Variants in CSMD3 observed in about 807,000 individuals in gnomAD.
CSMD3 encodes the protein CUB and Sushi multiple domains 3.
CSMD3 carries 177 observed loss-of-function variants against 435.2 expected under a neutral mutation model. The observed-to-expected ratio is 0.41, with a 90% CI of 0.36 to 0.46. CSMD3 has a LOEUF of 0.46. Among genes scored for constraint, CSMD3 ranks in the 20% least tolerant of loss-of-function variants. The pLI is 0.34. For missense variants in CSMD3, 4,265 were observed against 4,504.6 expected (o/e 0.95, Z 1.52); for synonymous variants, 1,656 against 1,520.5 (o/e 1.09, Z -2.07).
intron 1 of CSMD3, among the ~76,000 whole-genome samples, chr8:113,375,537 A>ACACACATG (rs768751183): frequency 6.1e-4 from 8 of 13,102 alleles, no homozygotes; most frequent in Non-Finnish European, 2.8e-3. Flanking sequence ...ACACACACAC[A>ACACACATG]CACACACACG....
At chr8:112,411,914 A>C (rs1283469025) in intron 32 of CSMD3, among the ~76,000 whole-genome samples, 1 of 152,072 alleles carries the variant, frequency 6.6e-6, no homozygotes, top group African/African-American at 2.4e-5. Flanking sequence ...TTTTGAAAGA[A>C]AGTTGTCCAG....
At chr8:113,374,191 T>A (rs375357452) in intron 1 of CSMD3, among the ~76,000 whole-genome samples, 8 of 152,124 alleles carry the variant, frequency 5.3e-5, no homozygotes, top group African/African-American at 1.9e-4. Flanking sequence ...CTTTGGCATA[T>A]GAGTATAGAC....
chr8:112,791,927 T>C (rs2078702760), intron 13 of CSMD3, among the ~76,000 whole-genome samples: 1 of 152,202 alleles, frequency 6.6e-6, no homozygotes, highest in African/African-American at 2.4e-5. Flanking sequence ...TATGTAGTAG[T>C]ATCTCTTTGT....
At chr8:113,191,618 C>G (rs938951416) in intron 3 of CSMD3, among the ~76,000 whole-genome samples, 1 of 151,500 alleles carries the variant, frequency 6.6e-6, no homozygotes, top group Non-Finnish European at 1.5e-5. Context: ...GCATAGTAGT[C>G]CTTGGTGTCT....
At chr8:112,372,835 C>T (rs1018687765) in intron 38 of CSMD3, among the ~76,000 whole-genome samples, 14 of 149,730 alleles carry the variant, frequency 9.4e-5, no homozygotes, top group Non-Finnish European at 2.1e-4. Flanking sequence ...GGTGACAGAG[C>T]GAGACTATGT....
intron 45 of CSMD3, among the ~76,000 whole-genome samples, chr8:112,330,618 T>C (rs974875473): frequency 1.3e-5 from 2 of 152,132 alleles, no homozygotes; most frequent in South Asian, 4.1e-4. Context: ...TGAGCTGTGA[T>C]AAATCTATAA....
chr8:113,159,576 T>G (rs1204297510), intron 4 of CSMD3, among the ~76,000 whole-genome samples: 1 of 152,010 alleles, frequency 6.6e-6, no homozygotes, highest in East Asian at 1.9e-4. Flanking sequence ...CCGTGTGACC[T>G]CATATATTCT....
At chr8:113,201,050 C>G (rs74384184) in intron 3 of CSMD3, among the ~76,000 whole-genome samples, 13 of 151,760 alleles carry the variant, frequency 8.6e-5, no homozygotes, top group South Asian at 8.3e-4. Context: ...CTCTCAGAAC[C>G]CTTTGTAGAG....
chr8:112,641,539 T>C (rs1192386778), intron 20 of CSMD3, among the ~76,000 whole-genome samples: 1 of 152,036 alleles, frequency 6.6e-6, no homozygotes, highest in Non-Finnish European at 1.5e-5. Flanking sequence ...AAAAATGACC[T>C]TCAAATGTAA....
chr8:113,133,169 C>T (rs1288003428), intron 4 of CSMD3, among the ~76,000 whole-genome samples: 1 of 152,126 alleles, frequency 6.6e-6, no homozygotes, highest in South Asian at 2.1e-4. Flanking sequence ...TTATATCTTA[C>T]AAGAAATTGA....
At chr8:112,930,475 G>A (rs1354005812) in intron 9 of CSMD3, among the ~76,000 whole-genome samples, 1 of 152,060 alleles carries the variant, frequency 6.6e-6, no homozygotes, top group Admixed American at 6.6e-5. Context: ...GGTTTAAATA[G>A]TTAAAGTCAA....
chr8:112,915,147 G>A (rs1437969687), intron 10 of CSMD3, among the ~76,000 whole-genome samples: 1 of 151,722 alleles, frequency 6.6e-6, no homozygotes, highest in Non-Finnish European at 1.5e-5. Context: ...TTTTATATAG[G>A]TAGCTTCTCC....
chr8:113,225,054 G>C (rs1197393629), intron 3 of CSMD3, among the ~76,000 whole-genome samples: 2 of 146,298 alleles, frequency 1.4e-5, no homozygotes, highest in African/African-American at 4.9e-5. Flanking sequence ...AAGTATGAAG[G>C]AGATTATTTC....
intron 5 of CSMD3, among the ~76,000 whole-genome samples, chr8:113,097,082 A>AT (rs1266750456): frequency 3.3e-5 from 5 of 152,074 alleles, no homozygotes; most frequent in African/African-American, 1.2e-4. Flanking sequence ...GTTCTCACCT[A>AT]TAACATCCAA....
At chr8:112,625,710 C>A (rs1455943371) in intron 22 of CSMD3, among the ~76,000 whole-genome samples, 1 of 152,058 alleles carries the variant, frequency 6.6e-6, no homozygotes, top group Admixed American at 6.6e-5. Flanking sequence ...GGGTACAATA[C>A]ACAGATGTAG....
chr8:112,313,846 A>T (rs2130829406), intron 49 of CSMD3, 60 bp downstream of exon 49: 2 of 1,336,416 alleles, frequency 1.5e-6, no homozygotes, highest in Non-Finnish European at 2.2e-6. Context: ...TCTGCTCCTT[A>T]ATCATAATCA....
At chr8:113,218,410 T>A (rs77427754) in intron 3 of CSMD3, among the ~76,000 whole-genome samples, 2 of 150,104 alleles carry the variant, frequency 1.3e-5, no homozygotes, top group South Asian at 4.2e-4. Context: ...ACAAAGCAAT[T>A]ATTTTTGTTC....
At chr8:113,152,674 C>T (rs775079926) in intron 4 of CSMD3, among the ~76,000 whole-genome samples, 1 of 151,898 alleles carries the variant, frequency 6.6e-6, no homozygotes, top group Non-Finnish European at 1.5e-5. Flanking sequence ...ATACACTTTG[C>T]CTGGTTAAAA....
chr8:112,503,025 T>A (rs1822131823), intron 30 of CSMD3, among the ~76,000 whole-genome samples: 1 of 152,188 alleles, frequency 6.6e-6, no homozygotes, highest in Non-Finnish European at 1.5e-5. Context: ...CTAGCAGAAG[T>A]ATTCTAAAAC....
Sources: gnomAD v4.1 joint callset for allele counts (sites outside exome capture counted in the v4.1 genomes callset) on GRCh38, gnomAD v4.1.1 for gene constraint, MANE v1.5 for transcripts, NCBI Gene and HGNC (gene_info 2026-07-23, HGNC 2026-07-21) for gene names.